CTNND2: variants seen among roughly 807,000 people sequenced by gnomAD.
The protein encoded by CTNND2 is catenin delta-2.
A neutral mutation model predicts 144.4 loss-of-function variants in CTNND2; 22 were observed. The observed-to-expected ratio is 0.15, with a 90% CI of 0.11 to 0.22. The LOEUF is 0.22. Ranked by LOEUF, CTNND2 falls within the 10% of genes least tolerant of loss-of-function variation. CTNND2 has a pLI of 1.00. For synonymous variants in CTNND2, 751 were observed against 695.6 expected, an observed-to-expected ratio of 1.08 and a Z score of -1.25; for missense variants, 1,353 against 1,618.8, an observed-to-expected ratio of 0.84 and a Z score of 2.82.
intron 7 of CTNND2, among the ~76,000 whole-genome samples, chr5:11,372,824 C>A (rs550596431): frequency 2.6e-4 from 39 of 152,310 alleles, no homozygotes; most frequent in African/African-American, 8.4e-4. Context: ...TGCTGGTCCA[C>A]GGACCACCCT....
Position 11,416,741 on chromosome 5 carries a change from G to A in CTNND2, c.288-4672C>T, listed in dbSNP as rs74810709. Among the ~76,000 whole-genome samples, 974 of 152,098 alleles carry A rather than the reference G, an allele frequency of 6.4e-3. 13 individuals carry two copies. Among genetic ancestry groups the A allele is most frequent in the Middle Eastern group, 0.02 (6 of 294 alleles). On this transcript the variant is annotated intron_variant, in intron 3 of 21. Transcript: ENST00000304623. ...TAATTCAATTTAATATAATAGAAAC[G>A]TCATTTTTGAAGGTGTTATAACTTA... is the stretch of plus-strand genomic sequence containing the variant.
chr5:11,639,404 A>G (rs553842882), intron 2 of CTNND2, among the ~76,000 whole-genome samples: 1 of 152,178 alleles, frequency 6.6e-6, no homozygotes, highest in Non-Finnish European at 1.5e-5. Context: ...TCCCCAGGTG[A>G]CTCATATGGA....
intron 2 of CTNND2, among the ~76,000 whole-genome samples, chr5:11,692,547 G>T (rs1465863210): frequency 1.3e-5 from 2 of 152,232 alleles, no homozygotes; most frequent in African/African-American, 4.8e-5. Context: ...AGGCAGCTGG[G>T]TGTGTGATGA....
At chr5:11,006,872 C>A (rs1209977844) in intron 18 of CTNND2, among the ~76,000 whole-genome samples, 2 of 152,000 alleles carry the variant, frequency 1.3e-5, no homozygotes, top group African/African-American at 4.8e-5. Context: ...GAAGAATGAC[C>A]AGAGGGAGAG....
intron 11 of CTNND2, among the ~76,000 whole-genome samples, chr5:11,183,622 A>C (rs1465999624): frequency 6.6e-6 from 1 of 151,624 alleles, no homozygotes; most frequent in Non-Finnish European, 1.5e-5. Flanking sequence ...CAGTGGTGCA[A>C]TCTCAGCTCA....
At chr5:11,807,225 C>T (rs1439879893) in intron 1 of CTNND2, among the ~76,000 whole-genome samples, 1 of 152,040 alleles carries the variant, frequency 6.6e-6, no homozygotes, top group Non-Finnish European at 1.5e-5. Context: ...TAATACTTTC[C>T]TATTTGTGTT....
chr5:11,149,749 T>C (rs1373621607), intron 12 of CTNND2, among the ~76,000 whole-genome samples: 1 of 152,170 alleles, frequency 6.6e-6, no homozygotes, highest in African/African-American at 2.4e-5. Context: ...CCCAGGGTCC[T>C]AAAAAGCCAG....
chr5:11,382,244 G>A (rs975854346), intron 7 of CTNND2, among the ~76,000 whole-genome samples: 1 of 152,244 alleles, frequency 6.6e-6, no homozygotes, highest in Admixed American at 6.5e-5. Flanking sequence ...CAAGGATTTT[G>A]GCTGATTTCT....
intron 3 of CTNND2, among the ~76,000 whole-genome samples, chr5:11,485,376 CGCGCGCGCGCGT>C (rs1378122470): frequency 1.9e-4 from 16 of 82,440 alleles, no homozygotes; most frequent in Middle Eastern, 6.5e-3. Flanking sequence ...TGTGTGTGTG[CGCGCGCGCGCGT>C]GCGCGCGCAC....
At chr5:11,470,229 A>G (rs184088447) in intron 3 of CTNND2, among the ~76,000 whole-genome samples, 1 of 152,224 alleles carries the variant, frequency 6.6e-6, no homozygotes, top group East Asian at 1.9e-4. Flanking sequence ...TGAGGTCAGG[A>G]GTTCGAGACC....
chr5:11,256,077 C>T (rs1314965486), intron 9 of CTNND2, among the ~76,000 whole-genome samples: 1 of 152,212 alleles, frequency 6.6e-6, no homozygotes, highest in Non-Finnish European at 1.5e-5. Context: ...CTCTTTGGTG[C>T]ATGCCCTGTG....
At chr5:11,563,969 C>T (rs1289447812) in intron 3 of CTNND2, among the ~76,000 whole-genome samples, 3 of 152,162 alleles carry the variant, frequency 2.0e-5, no homozygotes, top group Non-Finnish European at 4.4e-5. Flanking sequence ...CCACTTCCAT[C>T]GATGAGAGGT....
chr5:11,084,034 C>T (rs1749878526), intron 15 of CTNND2: 4 of 810,322 alleles, frequency 4.9e-6, no homozygotes, highest in Non-Finnish European at 6.1e-6. Flanking sequence ...TTCTTATCAC[C>T]ATCAACCCAC....
rs554744418 is a variant in CTNND2 at position 11,009,224 on chromosome 5, T to G, written c.3084+8750A>C. Among the ~76,000 whole-genome samples the G allele has an allele frequency of 2.0e-5, 3 of 152,328 alleles. No individual in the cohort carries two copies. In the East Asian group the frequency reaches 5.8e-4, roughly 29 times the overall value. On this transcript the variant is annotated intron_variant, in intron 18 of 21. Coordinates refer to ENST00000304623, the MANE Select transcript of CTNND2 (RefSeq NM_001332.4). ...GGTACTTCTGAGCAACCCACCCCACTGCCCTCATGAGAGATGGAGCTAGCC... is the reference window on the plus strand; with the variant it reads ...GGTACTTCTGAGCAACCCACCCCACGGCCCTCATGAGAGATGGAGCTAGCC...
chr5:11,777,056 TA>T (rs1790294302), intron 1 of CTNND2, among the ~76,000 whole-genome samples: 1 of 152,234 alleles, frequency 6.6e-6, no homozygotes, highest in African/African-American at 2.4e-5. Flanking sequence ...AATAAATATA[TA>T]ACACACATGA....
At chr5:11,679,638 C>T (rs1373697648) in intron 2 of CTNND2, among the ~76,000 whole-genome samples, 1 of 152,114 alleles carries the variant, frequency 6.6e-6, no homozygotes. Context: ...TTTGGTGGTC[C>T]CTGTCTTTCC....
chr5:11,570,865 T>G (rs1777499282), intron 2 of CTNND2, among the ~76,000 whole-genome samples: 1 of 152,084 alleles, frequency 6.6e-6, no homozygotes, highest in South Asian at 2.1e-4. Flanking sequence ...TTGCTTTTTC[T>G]TCAACTCTCA....
chr5:11,600,832 G>A (rs1779754699), intron 2 of CTNND2, among the ~76,000 whole-genome samples: 1 of 151,956 alleles, frequency 6.6e-6, no homozygotes, highest in South Asian at 2.1e-4. Context: ...ACAGAAATCA[G>A]AAGGTAATGA....
At chr5:11,061,605 A>G (rs1046201214) in intron 16 of CTNND2, among the ~76,000 whole-genome samples, 1 of 152,116 alleles carries the variant, frequency 6.6e-6, no homozygotes, top group Non-Finnish European at 1.5e-5. Flanking sequence ...ACCTCTTCAT[A>G]GACTTCTTTC....
Sources: allele counts gnomAD v4.1 joint callset (sites outside exome capture counted in the v4.1 genomes callset), GRCh38; gene constraint gnomAD v4.1.1; transcripts MANE v1.5; gene names NCBI Gene and HGNC (gene_info 2026-07-23, HGNC 2026-07-21).